The following RGS6 variants were observed in gnomAD, a reference collection of about 807,000 sequenced individuals.
RGS6 encodes regulator of G-protein signaling 6.
In RGS6, 30 loss-of-function variants were observed where a neutral mutation model predicts 78.5. The observed-to-expected ratio is 0.38, with a 90% CI of 0.29 to 0.52. RGS6 has a LOEUF of 0.52. Ranked by LOEUF, RGS6 falls within the 20% of genes least tolerant of loss-of-function variation. RGS6 has a pLI of 0.85. For synonymous variants in RGS6, 206 were observed against 206.0 expected (o/e 1.00, Z 0.00); for missense variants, 495 against 609.7 (o/e 0.81, Z 1.98).
the RGS6 span, among the ~76,000 whole-genome samples, chr14:71,899,677 G>A: frequency 6.6e-6 from 1 of 152,184 alleles, no homozygotes; most frequent in Admixed American, 6.5e-5. Context: ...GGTAACTTGA[G>A]ACTTACTAAG....
chr14:72,249,979 C>G (rs949012140), intron 2 of RGS6, among the ~76,000 whole-genome samples: 5 of 150,730 alleles, frequency 3.3e-5, no homozygotes, highest in African/African-American at 1.2e-4. Flanking sequence ...TCTCAGTAAG[C>G]TGTCGCAAGA....
At chr14:72,398,229 G>A (rs2091784614) in intron 3 of RGS6, among the ~76,000 whole-genome samples, 1 of 152,106 alleles carries the variant, frequency 6.6e-6, no homozygotes, top group African/African-American at 2.4e-5. Context: ...CAATTTGAGA[G>A]CCTGTTATTG....
At chr14:72,413,438 C>T (rs1777567918) in intron 3 of RGS6, among the ~76,000 whole-genome samples, 1 of 152,132 alleles carries the variant, frequency 6.6e-6, no homozygotes, top group African/African-American at 2.4e-5. Flanking sequence ...TTCCTCCATC[C>T]CTTTATTTTG....
At chr14:72,405,665 T>C (rs184479308) in intron 3 of RGS6, among the ~76,000 whole-genome samples, 5 of 152,334 alleles carry the variant, frequency 3.3e-5, no homozygotes, top group African/African-American at 1.2e-4. Context: ...GTAACCCATG[T>C]GGCCTTGTGT....
intron 2 of RGS6, among the ~76,000 whole-genome samples, chr14:72,233,510 C>T (rs2050198766): frequency 1.3e-5 from 2 of 152,162 alleles, no homozygotes; most frequent in Non-Finnish European, 1.5e-5. Context: ...AAGTTGAGAT[C>T]AGCACCTTCC....
chr14:72,468,790 G>A (rs1189697984), intron 7 of RGS6, among the ~76,000 whole-genome samples: 1 of 152,012 alleles, frequency 6.6e-6, no homozygotes, highest in African/African-American at 2.4e-5. Flanking sequence ...TGACATTTAG[G>A]CATTACCAGT....
At chr14:72,479,034 T>C (rs1370027367) in intron 12 of RGS6, among the ~76,000 whole-genome samples, 1 of 152,226 alleles carries the variant, frequency 6.6e-6, no homozygotes, top group East Asian at 1.9e-4. Flanking sequence ...ATCCATATGC[T>C]ACCGTTAAAG....
intron 2 of RGS6, among the ~76,000 whole-genome samples, chr14:72,248,862 C>T (rs2054904574): frequency 1.3e-5 from 2 of 152,188 alleles, no homozygotes; most frequent in South Asian, 2.1e-4. Flanking sequence ...AGCACTGCTC[C>T]ACTTTGCCTT....
At chr14:72,619,159 G>T in the RGS6 span, 1 of 825,558 alleles carries the variant, frequency 1.2e-6, no homozygotes. Flanking sequence ...TTCGTTCCAT[G>T]TGTCCCTGCC....
the RGS6 span, among the ~76,000 whole-genome samples, chr14:72,575,459 A>G: frequency 2.0e-5 from 3 of 152,120 alleles, no homozygotes; most frequent in African/African-American, 4.8e-5. Context: ...GGATAGGACA[A>G]CCAACGTTCC....
At chr14:72,331,216 A>G (rs1351860903) in intron 2 of RGS6, among the ~76,000 whole-genome samples, 1 of 149,788 alleles carries the variant, frequency 6.7e-6, no homozygotes, top group African/African-American at 2.5e-5. Flanking sequence ...GTCGTAAATC[A>G]TCATCACCGA....
At chr14:72,617,435 C>G in the RGS6 span, among the ~76,000 whole-genome samples, 3 of 152,160 alleles carry the variant, frequency 2.0e-5, no homozygotes, top group Non-Finnish European at 4.4e-5. Flanking sequence ...CTCCCTATCC[C>G]TCCCTGGGCC....
intron 2 of RGS6, among the ~76,000 whole-genome samples, chr14:72,057,504 C>T (rs949825612): frequency 1.3e-5 from 2 of 151,922 alleles, no homozygotes; most frequent in Non-Finnish European, 2.9e-5. Context: ...CCAGGAGAGC[C>T]ACTGGTTCTG....
intron 2 of RGS6, among the ~76,000 whole-genome samples, chr14:72,141,962 A>G (rs908097674): frequency 1.3e-5 from 2 of 151,696 alleles, no homozygotes; most frequent in African/African-American, 4.8e-5. Context: ...TGTATCCATT[A>G]AATACATATT....
chr14:72,421,078 A>C (rs2094150030), intron 3 of RGS6: 1 of 107,450 alleles, frequency 9.3e-6, no homozygotes, highest in African/African-American at 3.9e-5. Context: ...CAAAAGATGG[A>C]CGCAGCTAGA....
chr14:72,527,706 TTG>T (rs1412081850), intron 15 of RGS6, among the ~76,000 whole-genome samples: 3 of 152,170 alleles, frequency 2.0e-5, no homozygotes, highest in Non-Finnish European at 2.9e-5. Flanking sequence ...CCACATTTAA[TTG>T]TGTGATTGAC....
At chr14:72,621,578 CAG>C in the RGS6 span, among the ~76,000 whole-genome samples, 2 of 152,030 alleles carry the variant, frequency 1.3e-5, no homozygotes, top group Non-Finnish European at 2.9e-5. Flanking sequence ...GAGTTATCAA[CAG>C]GGGAGTGATA....
At chr14:72,366,707 G>T (rs555443475) in intron 3 of RGS6, among the ~76,000 whole-genome samples, 1 of 152,270 alleles carries the variant, frequency 6.6e-6, no homozygotes, top group Admixed American at 6.5e-5. Flanking sequence ...ATAGTAAGTA[G>T]GTAACAAAGA....
chr14:72,354,210 T>G (rs754342948), intron 3 of RGS6, among the ~76,000 whole-genome samples: 1 of 152,040 alleles, frequency 6.6e-6, no homozygotes, highest in Non-Finnish European at 1.5e-5. Flanking sequence ...GAACAGAAAT[T>G]CATGTCTCAC....
Sources: gnomAD v4.1 joint callset for allele counts (sites outside exome capture counted in the v4.1 genomes callset) on GRCh38, gnomAD v4.1.1 for gene constraint, MANE v1.5 for transcripts, NCBI Gene and HGNC (gene_info 2026-07-23, HGNC 2026-07-21) for gene names.